CNTN5: variants seen among roughly 807,000 people sequenced by gnomAD.
CNTN5 encodes the protein contactin 5.
In CNTN5, 77 loss-of-function variants were observed where a neutral mutation model predicts 129.1. The ratio of observed to expected loss-of-function variants is 0.60; its 90% CI spans 0.50 to 0.72. CNTN5 has a LOEUF of 0.72. Among genes scored for constraint, CNTN5 ranks in the 30% least tolerant of loss-of-function variants. CNTN5 has a pLI of 0.00. For synonymous variants in CNTN5, 509 were observed against 465.6 expected (o/e 1.09, Z -1.20); for missense variants, 1,478 against 1,328.8 (o/e 1.11, Z -1.75).
intron 6 of CNTN5, among the ~76,000 whole-genome samples, chr11:99,852,886 C>T (rs953665359): frequency 4.6e-5 from 7 of 152,066 alleles, no homozygotes; most frequent in Admixed American, 1.3e-4. Context: ...GGAGACCTTT[C>T]CCAAGCATAG....
chr11:100,035,858 T>G (rs2137642128), intron 9 of CNTN5, among the ~76,000 whole-genome samples: 1 of 152,350 alleles, frequency 6.6e-6, no homozygotes, highest in South Asian at 2.1e-4. Context: ...TTGTAGATTC[T>G]GGATATTAGC....
At chr11:99,542,426 T>C (rs940628180) in intron 2 of CNTN5, among the ~76,000 whole-genome samples, 1 of 152,212 alleles carries the variant, frequency 6.6e-6, no homozygotes, top group Admixed American at 6.5e-5. Flanking sequence ...GGTATCTGTC[T>C]TTCTATGTCT....
At chr11:99,683,364 C>T (rs1953644744) in intron 3 of CNTN5, among the ~76,000 whole-genome samples, 1 of 151,894 alleles carries the variant, frequency 6.6e-6, no homozygotes, top group South Asian at 2.1e-4. Context: ...GGATATGCAA[C>T]TAATCCAGTA....
chr11:100,236,996 T>C (rs1036274227), intron 16 of CNTN5, among the ~76,000 whole-genome samples: 3 of 151,964 alleles, frequency 2.0e-5, no homozygotes, highest in Non-Finnish European at 4.4e-5. Context: ...GAGACAATCC[T>C]GGCTAACACA....
intron 7 of CNTN5, among the ~76,000 whole-genome samples, chr11:99,923,757 G>GTCTGTCTATCTA (rs71050033): frequency 0.04 from 5,560 of 140,630 alleles, 114 homozygotes; most frequent in South Asian, 0.048. Flanking sequence ...CTATCTGTCT[G>GTCTGTCTATCTA]TCTATCTATC....
intron 1 of CNTN5, among the ~76,000 whole-genome samples, chr11:99,264,017 C>T (rs891671439): frequency 1.3e-5 from 2 of 151,882 alleles, no homozygotes; most frequent in East Asian, 1.9e-4. Context: ...TTTTCTGGTA[C>T]ATTTACATAG....
chr11:99,502,861 A>G lies in CNTN5; in HGVS notation c.-70-53284A>G, dbSNP rs193298349. Among the ~76,000 whole-genome samples the G allele has an allele frequency of 1.6e-3, 251 of 152,220 alleles. 1 individual carries two copies. The highest frequency in any genetic ancestry group is 5.5e-3 in the African/African-American group (228 of 41,532). ...CTTCAAACTCATCTGTCCTTTCTTT[A>G]ACATGTCTTCTCCTTCCCAAAGTAT... On this transcript the variant is annotated intron_variant, in intron 2 of 24. Transcript: ENST00000524871.
intron 2 of CNTN5, among the ~76,000 whole-genome samples, chr11:99,445,689 C>A (rs11219959): frequency 1.3e-5 from 2 of 152,244 alleles, no homozygotes; most frequent in South Asian, 2.1e-4. Context: ...AAATGGACAG[C>A]GTCCTCTATC....
At chr11:99,550,237 C>G (rs1443702890) in intron 2 of CNTN5, among the ~76,000 whole-genome samples, 1 of 152,118 alleles carries the variant, frequency 6.6e-6, no homozygotes, top group African/African-American at 2.4e-5. Flanking sequence ...AATATCATAA[C>G]TCAATCTGGC....
chr11:99,118,734 A>G (rs1858162352), intron 1 of CNTN5, among the ~76,000 whole-genome samples: 1 of 152,220 alleles, frequency 6.6e-6, no homozygotes. Context: ...ATATTTAAAA[A>G]GAAGTTTGAA....
At chr11:99,259,100 A>T (rs1471244744) in intron 1 of CNTN5, among the ~76,000 whole-genome samples, 6 of 151,938 alleles carry the variant, frequency 3.9e-5, no homozygotes, top group Non-Finnish European at 1.5e-5. Context: ...AATGAATAAC[A>T]TACACACATA....
intron 13 of CNTN5, among the ~76,000 whole-genome samples, chr11:100,124,168 AG>A (rs1946111960): frequency 6.6e-6 from 1 of 152,062 alleles, no homozygotes. Flanking sequence ...ACTGAGGCTC[AG>A]AATTGTTAAA....
At chr11:99,293,347 A>AT in intron 1 of CNTN5, among the ~76,000 whole-genome samples, 1 of 152,100 alleles carries the variant, frequency 6.6e-6, no homozygotes, top group South Asian at 2.1e-4. Context: ...TTTGTTGAGA[A>AT]TTTTTGCATC....
intron 13 of CNTN5, among the ~76,000 whole-genome samples, chr11:100,179,497 T>C (rs374658883): frequency 9.2e-5 from 14 of 152,088 alleles, no homozygotes; most frequent in Admixed American, 2.6e-4. Context: ...CCAAGTAAAA[T>C]TGACATTTTT....
In CNTN5 at chr11:99,213,327, A is replaced by C. The variant is rs1012094476; in HGVS notation, c.-209-112019A>C. ...AATATATACATATATAAAATATATA[A>C]ATATATACATATATAAAATATTATA... On this transcript the variant is annotated intron_variant, in intron 1 of 24. Coordinates refer to ENST00000524871, the MANE Select transcript of CNTN5 (RefSeq NM_014361.4). Among the ~76,000 whole-genome samples the C allele has an allele frequency of 6.3e-5, 9 of 143,792 alleles. No individual in the cohort carries two copies. In the South Asian group the frequency reaches 1.1e-3, roughly 17 times the overall value. 94.3% of individuals were successfully genotyped at this position (143,792 alleles called of 152,430 possible).
chr11:100,018,228 C>T (rs746221603), intron 9 of CNTN5, among the ~76,000 whole-genome samples: 1 of 151,754 alleles, frequency 6.6e-6, no homozygotes, highest in Non-Finnish European at 1.5e-5. Context: ...ACCATGAAAC[C>T]ATCGCACAAT....
intron 2 of CNTN5, among the ~76,000 whole-genome samples, chr11:99,339,143 C>T (rs532997534): frequency 3.0e-4 from 46 of 150,876 alleles, no homozygotes; most frequent in Non-Finnish European, 3.4e-4. Context: ...CTTATGTACT[C>T]CATAAATGTA....
chr11:99,268,360 AT>A (rs1483403485), intron 1 of CNTN5, among the ~76,000 whole-genome samples: 1 of 151,912 alleles, frequency 6.6e-6, no homozygotes, highest in Non-Finnish European at 1.5e-5. Context: ...CAAAGGTTAA[AT>A]TCAGTTTAAT....
intron 15 of CNTN5, among the ~76,000 whole-genome samples, chr11:100,203,449 AT>A (rs942866509): frequency 6.6e-5 from 10 of 152,044 alleles, no homozygotes; most frequent in Non-Finnish European, 1.3e-4. Context: ...TGGTATCCAC[AT>A]TTTGGACATT....
Sources: allele counts gnomAD v4.1 joint callset (sites outside exome capture counted in the v4.1 genomes callset), GRCh38; gene constraint gnomAD v4.1.1; transcripts MANE v1.5; gene names NCBI Gene and HGNC (gene_info 2026-07-23, HGNC 2026-07-21).